CROT: variants seen among roughly 807,000 people sequenced by gnomAD.
CROT encodes carnitine O-octanoyltransferase.
CROT carries 84 observed loss-of-function variants against 89.2 expected under a neutral mutation model. The observed-to-expected ratio is 0.94, with a 90% CI of 0.79 to 1.13. CROT has a LOEUF of 1.13. Among genes scored for constraint, CROT ranks in the 50% most tolerant of loss-of-function variants. The pLI is 0.00. For synonymous variants in CROT, 212 were observed against 239.5 expected (o/e 0.89, Z 1.06); for missense variants, 711 against 727.8 (o/e 0.98, Z 0.27).
rs1454716046 is a variant in CROT, at chr7:87,392,799, T to C, written c.1574T>C (p.Phe525Ser). ...KEEGLPVPEL[F>S]TDPLFSKSGG... ...GAAGGTCTTCCTGTTCCAGAACTCT[T>C]TACGGACCCACTTTTTTCCAAAAGG... Residue 525 changes from phenylalanine (F) to serine (S), a missense_variant, in exon 16 of 18, where the codon TTT (phenylalanine) becomes TCT (serine). By Grantham distance (155) the Phe-to-Ser change is radical. Coordinates refer to ENST00000331536, the MANE Select transcript of CROT (RefSeq NM_021151.4). 1 of 1,613,710 alleles carries C rather than the reference T, an allele frequency of 6.2e-7. No individual in the cohort carries two copies. The highest frequency in any genetic ancestry group is 1.3e-5 in the African/African-American group (1 of 75,014).
chr7:87,398,131 G>T (rs1807604998), intron 17 of CROT, among the ~76,000 whole-genome samples: 1 of 144,952 alleles, frequency 6.9e-6, no homozygotes. Context: ...CTTTCTTCAA[G>T]TACTCTTTAA....
intron 7 of CROT, among the ~76,000 whole-genome samples, chr7:87,372,442 G>T (rs1277344544): frequency 2.0e-5 from 3 of 152,036 alleles, no homozygotes; most frequent in African/African-American, 7.2e-5. Context: ...ATTAGATCAG[G>T]CTTATTAATT....
intron 9 of CROT, 84 bp from the exon 10 acceptor site, chr7:87,377,265 T>G: frequency 4.7e-5 from 36 of 763,226 alleles, no homozygotes; most frequent in Non-Finnish European, 7.0e-5. Context: ...AGAGGAATGG[T>G]GAGATGATAT....
rs200827147 is a variant in CROT, at chr7:87,376,765, A to ATG, written c.877-580_877-579dup. Among the ~76,000 whole-genome samples, 565 of 152,160 alleles carry ATG rather than the reference A, an allele frequency of 3.7e-3. 3 individuals are homozygous for ATG. The highest frequency in any genetic ancestry group is 0.013 in the African/African-American group (537 of 41,546). ...TTAGATTGCAGCCCACTATATATAC[A>ATG]TGTGTATATGCATGCAAACACATAT... On this transcript the variant is annotated intron_variant, in intron 9 of 17. Transcript: ENST00000331536.
At chr7:87,388,823 A>G (rs912794579) in intron 13 of CROT, among the ~76,000 whole-genome samples, 2 of 152,230 alleles carry the variant, frequency 1.3e-5, no homozygotes, top group Non-Finnish European at 2.9e-5. Flanking sequence ...TGAAACTATC[A>G]TCAGAGTGAA....
intron 3 of CROT, among the ~76,000 whole-genome samples, chr7:87,356,128 G>T (rs551150257): frequency 1.2e-4 from 19 of 152,080 alleles, no homozygotes; most frequent in Non-Finnish European, 2.6e-4. Flanking sequence ...CTGCAGGCAG[G>T]TGCCACCATG....
intron 6 of CROT, among the ~76,000 whole-genome samples, chr7:87,362,085 T>A (rs1806295180): frequency 6.6e-6 from 1 of 152,324 alleles, no homozygotes; most frequent in South Asian, 2.1e-4. Flanking sequence ...ATTTCATCAT[T>A]TGAAAGTTTA....
At chr7:87,350,835 G>C (rs1291082626) in intron 3 of CROT, among the ~76,000 whole-genome samples, 1 of 152,152 alleles carries the variant, frequency 6.6e-6, no homozygotes, top group African/African-American at 2.4e-5. Context: ...AGGCATAAGA[G>C]TACTTTACCT....
Position 87,398,671 on chromosome 7 carries a change from C to A in CROT, c.*27C>A. 6.2e-7 allele frequency: 1 copy of A among 1,603,810 alleles called. No homozygotes were observed. Among genetic ancestry groups the A allele is most frequent in the South Asian group, 1.1e-5 (1 of 90,212 alleles). ...GATGAATCATCTATTAAGCACTTACCAAAACATATCATTAAACTGAGTGCT... is the reference window on the plus strand; with the variant it reads ...GATGAATCATCTATTAAGCACTTACAAAAACATATCATTAAACTGAGTGCT... On this transcript the variant is annotated 3_prime_UTR_variant, in exon 18 of 18. Coordinates refer to ENST00000331536, the MANE Select transcript of CROT (RefSeq NM_021151.4).
At chr7:87,382,334 T>C in intron 12 of CROT, 79 bp from the exon 13 acceptor site, 1 of 1,483,246 alleles carries the variant, frequency 6.7e-7, no homozygotes. Flanking sequence ...ATTACTTTAA[T>C]GCAGGTGATA....
chr7:87,397,711 T>C (rs1437319153), intron 17 of CROT, among the ~76,000 whole-genome samples: 2 of 152,202 alleles, frequency 1.3e-5, no homozygotes, highest in Admixed American at 1.3e-4. Context: ...CACTCAGACA[T>C]TGGTTTCATC....
chr7:87,394,292 C>G (rs1446888387), intron 17 of CROT, among the ~76,000 whole-genome samples: 6 of 152,134 alleles, frequency 3.9e-5, no homozygotes, highest in Non-Finnish European at 7.4e-5. Flanking sequence ...CAGTTTGTCT[C>G]TTTAGCAGAT....
At chr7:87,352,187 G>A (rs1337125930) in intron 3 of CROT, among the ~76,000 whole-genome samples, 1 of 152,172 alleles carries the variant, frequency 6.6e-6, no homozygotes. Flanking sequence ...GGTCCATTTT[G>A]TTGGGAAAGG....
At chr7:87,380,802 A>ATAT in intron 10 of CROT, among the ~76,000 whole-genome samples, 2 of 152,338 alleles carry the variant, frequency 1.3e-5, no homozygotes, top group Middle Eastern at 3.4e-3. Flanking sequence ...GTTTGTCTTA[A>ATAT]ATGAAACAAT....
At chr7:87,351,748 A>G (rs937014068) in intron 3 of CROT, among the ~76,000 whole-genome samples, 1 of 152,198 alleles carries the variant, frequency 6.6e-6, no homozygotes, top group Non-Finnish European at 1.5e-5. Context: ...TTACTCCACT[A>G]GAGGTACTTA....
At chr7:87,358,951 T>C (rs1806187896) in intron 3 of CROT, among the ~76,000 whole-genome samples, 1 of 152,200 alleles carries the variant, frequency 6.6e-6, no homozygotes, top group Non-Finnish European at 1.5e-5. Context: ...TGATGAAAAA[T>C]GCAGTCCTTT....
In CROT at chr7:87,381,874, TA is replaced by T. The variant is rs759405330; in HGVS notation, c.979-33del. The T allele has an allele frequency of 9.1e-6, 13 of 1,422,798 alleles. No homozygotes were observed. The South Asian group carries it at 1.5e-4, about 16-fold the overall frequency. The allele number at this position is 1,422,798 out of a possible 1,614,324, so 88.1% of individuals were successfully genotyped here. A position where few individuals can be genotyped will look rare whatever the true frequency, so the allele number is the denominator to read the frequency against. Reference sequence around the variant, plus strand: ...TATTGGGTCAAGTTTTAAGTTGACATAAAGTATTCAGAAATCTTGTGTGTTC... The same window carrying T: ...TATTGGGTCAAGTTTTAAGTTGACATAAGTATTCAGAAATCTTGTGTGTTC... On this transcript the variant is annotated intron_variant, in intron 10 of 17. Transcript: ENST00000331536.
intron 3 of CROT, among the ~76,000 whole-genome samples, chr7:87,356,645 T>A (rs1244123168): frequency 4.6e-5 from 7 of 152,122 alleles, no homozygotes; most frequent in Non-Finnish European, 8.8e-5. Context: ...AGACTCCAGG[T>A]TTCCACAGGG....
At chr7:87,396,626 C>G (rs1235363896) in intron 17 of CROT, among the ~76,000 whole-genome samples, 1 of 151,592 alleles carries the variant, frequency 6.6e-6, no homozygotes, top group Non-Finnish European at 1.5e-5. Flanking sequence ...TCCCCTGCCT[C>G]TTCTTTCATC....
Sources: allele counts gnomAD v4.1 joint callset (sites outside exome capture counted in the v4.1 genomes callset), GRCh38; gene constraint gnomAD v4.1.1; transcripts MANE v1.5; gene names NCBI Gene and HGNC (gene_info 2026-07-23, HGNC 2026-07-21).